Variants in HM13 observed in about 807,000 individuals in gnomAD.
HM13 encodes signal peptide peptidase.
In HM13, 18 loss-of-function variants were observed where a neutral mutation model predicts 50.0. The ratio of observed to expected loss-of-function variants is 0.36; its 90% CI spans 0.25 to 0.53. HM13 has a LOEUF of 0.53. HM13 is among the 20% of genes least tolerant of loss of function. The probability of loss-of-function intolerance (pLI) is 0.90; values close to 1 mark genes in which losing one functional copy is unlikely to be tolerated. For synonymous variants in HM13, 197 were observed against 232.6 expected, an observed-to-expected ratio of 0.85 and a Z score of 1.39; for missense variants, 393 against 552.4, an observed-to-expected ratio of 0.71 and a Z score of 2.89.
At position 31,561,747 on chromosome 20, in the gene HM13, C is replaced by T. The variant is rs769043827; in HGVS notation, c.948+11C>T. Reference sequence around the variant, plus strand: ...TTCAAGCATGCTCAGGTGGGCAGGACGGTATCAGAGTGTCAGGAATGCCTC... The same window carrying T: ...TTCAAGCATGCTCAGGTGGGCAGGATGGTATCAGAGTGTCAGGAATGCCTC... On this transcript the variant is annotated intron_variant, in intron 10 of 12. Coordinates refer to ENST00000398174, the MANE Select transcript of HM13 (RefSeq NM_178581.3). 48 of 1,571,726 alleles carry T rather than the reference C, an allele frequency of 3.1e-5. No homozygotes were observed. Among genetic ancestry groups the T allele is most frequent in the South Asian group, 4.4e-5 (4 of 90,172 alleles).
chr20:31,548,040 A>G lies in HM13; in HGVS notation c.455-989A>G. On this transcript the variant is annotated intron_variant, in intron 4 of 12. Transcript: ENST00000398174. ...ATGATGGGCTGTGGCACATGAAGACATATAAATGAGCCTCAGAAGGAATGC... is the reference window on the plus strand; with the variant it reads ...ATGATGGGCTGTGGCACATGAAGACGTATAAATGAGCCTCAGAAGGAATGC... 2.5e-6 allele frequency: 4 copies of G among 1,579,904 alleles called. No homozygotes were observed. In the Admixed American group the frequency reaches 5.0e-5, roughly 20 times the overall value.
intron 1 of HM13, among the ~76,000 whole-genome samples, chr20:31,518,461 C>T (rs1981938864): frequency 6.6e-6 from 1 of 150,714 alleles, no homozygotes; most frequent in Non-Finnish European, 1.5e-5. Context: ...GCCTGGCCAA[C>T]ATGGTGAAGC....
intron 3 of HM13, among the ~76,000 whole-genome samples, chr20:31,543,261 G>A (rs1306183884): frequency 1.3e-5 from 2 of 152,130 alleles, no homozygotes; most frequent in Admixed American, 1.3e-4. Context: ...TTTGACAAGT[G>A]GAGAAATAGA....
chr20:31,566,150 G>A, intron 10 of HM13, 60 bp from the exon 11 acceptor site: 1 of 1,307,062 alleles, frequency 7.7e-7, no homozygotes, highest in Non-Finnish European at 1.1e-6. Flanking sequence ...GGGGTGCTGG[G>A]CACGGCCCTG....
At chr20:31,527,438 A>G (rs1386238177) in intron 1 of HM13, 46 bp from the exon 2 acceptor site, 1 of 1,375,758 alleles carries the variant, frequency 7.3e-7, no homozygotes, top group East Asian at 2.3e-5. Flanking sequence ...GCAGGAACAT[A>G]TGGGAACCAG....
intron 8 of HM13, among the ~76,000 whole-genome samples, chr20:31,558,775 G>C (rs1984452690): frequency 6.6e-6 from 1 of 152,100 alleles, no homozygotes; most frequent in African/African-American, 2.4e-5. Context: ...CCAGGCTGGA[G>C]TGCAGTGGCG....
intron 4 of HM13, among the ~76,000 whole-genome samples, chr20:31,546,586 A>G (rs1266490542): frequency 6.6e-6 from 1 of 151,718 alleles, no homozygotes; most frequent in African/African-American, 2.4e-5. Context: ...CCCCGTCTCT[A>G]CTAAAAACAC....
Position 31,532,661 on chromosome 20 carries a change from G to C in HM13, c.282+5079G>C, listed in dbSNP as rs142500202. Among the ~76,000 whole-genome samples the C allele has an allele frequency of 2.6e-5, 4 of 152,286 alleles. No individual in the cohort carries two copies. The East Asian group carries it at 7.7e-4, about 29-fold the overall frequency. On this transcript the variant is annotated intron_variant, in intron 2 of 12. Transcript: ENST00000398174. ...ATATGTAGTGTTGGTATATCTGTGT[G>C]TATGAGTGGGAATTGCATTTCCATA...
At chr20:31,528,492 T>G (rs987124779) in intron 2 of HM13, among the ~76,000 whole-genome samples, 1 of 151,626 alleles carries the variant, frequency 6.6e-6, no homozygotes, top group Non-Finnish European at 1.5e-5. Flanking sequence ...AATGTTTTCT[T>G]TTTTGAGACG....
At chr20:31,558,145 C>A (rs992017111) in intron 8 of HM13, among the ~76,000 whole-genome samples, 3 of 152,180 alleles carry the variant, frequency 2.0e-5, no homozygotes, top group African/African-American at 7.2e-5. Context: ...CTTAGGCTTC[C>A]GGGATGTCTC....
rs1985126103 is a variant in HM13, at chr20:31,569,259, G to A, written c.*40G>A. The A allele has an allele frequency of 7.2e-7, 1 of 1,380,326 alleles. No individual in the cohort carries two copies. Among genetic ancestry groups the A allele is most frequent in the Non-Finnish European group, 1.0e-6 (1 of 990,782 alleles). 85.5% of individuals were successfully genotyped at this position (1,380,326 alleles called of 1,614,324 possible). On this transcript the variant is annotated 3_prime_UTR_variant, in exon 13 of 13. Transcript: ENST00000398174. Reference sequence around the variant, plus strand: ...GAGCCTCTCAGGGCCAGACCAGACAGATGGGGGCTGGGCCCACACAGGCGT... The same window carrying A: ...GAGCCTCTCAGGGCCAGACCAGACAAATGGGGGCTGGGCCCACACAGGCGT...
chr20:31,567,027 G>A (rs527672894), intron 11 of HM13, among the ~76,000 whole-genome samples: 40 of 152,220 alleles, frequency 2.6e-4, no homozygotes, highest in South Asian at 2.1e-3. Flanking sequence ...TCCCTAGAGC[G>A]CTTGCCAGGG....
At chr20:31,558,579 G>A (rs1482371221) in intron 8 of HM13, among the ~76,000 whole-genome samples, 2 of 151,960 alleles carry the variant, frequency 1.3e-5, no homozygotes. Flanking sequence ...TTTCCAAGAA[G>A]CCTTCCTTCT....
chr20:31,567,952 G>A (rs1209948932), intron 11 of HM13, 126 bp from the exon 12 acceptor site: 3 of 812,148 alleles, frequency 3.7e-6, no homozygotes, highest in East Asian at 2.9e-5. Flanking sequence ...ATAAAATCTG[G>A]AAGTGCAAAA....
At chr20:31,550,168 G>T (rs200163212) in intron 7 of HM13, 47 bp downstream of exon 7, 2 of 1,439,200 alleles carry the variant, frequency 1.4e-6, no homozygotes, top group Non-Finnish European at 2.0e-6. Flanking sequence ...CACCCCTGCC[G>T]GGCCATGCCC....
intron 1 of HM13, among the ~76,000 whole-genome samples, chr20:31,519,054 G>A (rs1981988199): frequency 6.6e-6 from 1 of 152,078 alleles, no homozygotes; most frequent in African/African-American, 2.4e-5. Context: ...CATCCAGAAA[G>A]ATTCTGTGTC....
chr20:31,518,352 A>G (rs1444934285), intron 1 of HM13, among the ~76,000 whole-genome samples: 2 of 145,624 alleles, frequency 1.4e-5, no homozygotes, highest in Admixed American at 1.4e-4. Flanking sequence ...TTTTTTCTTT[A>G]ACAATATGTT....
At chr20:31,550,027 C>G (rs776271410) in intron 6 of HM13, 37 bp from the exon 7 acceptor site, 1 of 1,520,356 alleles carries the variant, frequency 6.6e-7, no homozygotes, top group Non-Finnish European at 9.1e-7. Context: ...CACAGCCCCT[C>G]ACTTCCCTTC....
intron 11 of HM13, chr20:31,567,546 C>T (rs1439939137): frequency 6.6e-6 from 1 of 152,160 alleles, no homozygotes; most frequent in Non-Finnish European, 1.5e-5. Flanking sequence ...CTCCCCATTT[C>T]TCTCCCAATT....
Sources: allele counts gnomAD v4.1 joint callset (sites outside exome capture counted in the v4.1 genomes callset), GRCh38; gene constraint gnomAD v4.1.1; transcripts MANE v1.5; gene names NCBI Gene and HGNC (gene_info 2026-07-23, HGNC 2026-07-21).